AK5: variants seen among roughly 807,000 people sequenced by gnomAD.
AK5 encodes adenylate kinase isoenzyme 5.
AK5 carries 27 observed loss-of-function variants against 69.5 expected under a neutral mutation model. The ratio of observed to expected loss-of-function variants is 0.39; its 90% confidence interval spans 0.29 to 0.54. The LOEUF is 0.54. Among genes scored for constraint, AK5 ranks in the 20% least tolerant of loss-of-function variants. The pLI, the probability that AK5 is intolerant of heterozygous loss-of-function variation, is 0.71. For synonymous variants in AK5, 260 were observed against 244.4 expected (o/e 1.06, Z -0.60); for missense variants, 531 against 700.4 (o/e 0.76, Z 2.73).
intron 6 of AK5, among the ~76,000 whole-genome samples, chr1:77,396,688 T>C (rs567174219): frequency 7.2e-5 from 11 of 152,290 alleles, no homozygotes; most frequent in African/African-American, 2.4e-4. Context: ...ACTAGGAACA[T>C]AGGATTTGTT....
At chr1:77,408,957 T>C (rs113610544) in intron 6 of AK5, among the ~76,000 whole-genome samples, 77 of 152,180 alleles carry the variant, frequency 5.1e-4, no homozygotes, top group Non-Finnish European at 2.5e-4. Context: ...TGTTTCCTTC[T>C]TTGTGTTCAT....
intron 12 of AK5, among the ~76,000 whole-genome samples, chr1:77,534,441 T>C (rs1658842476): frequency 6.6e-6 from 1 of 152,238 alleles, no homozygotes; most frequent in South Asian, 2.1e-4. Flanking sequence ...AGAGAATTCT[T>C]AATCCCTGCA....
At chr1:77,506,911 A>G (rs1657062838) in intron 10 of AK5, among the ~76,000 whole-genome samples, 1 of 152,130 alleles carries the variant, frequency 6.6e-6, no homozygotes, top group African/African-American at 2.4e-5. Flanking sequence ...AGTCAGGAGA[A>G]TCGCTTGAAG....
Position 77,417,719 on chromosome 1 carries a change from A to G in AK5, c.1059+4A>G, listed in dbSNP as rs1190045871. ...AGGATCTGATTATGAAGATCAGGTA[A>G]TTAAAATCTGAAAATAGTTCTCTAT... On this transcript the variant is annotated splice_donor_region_variant and intron_variant, in intron 8 of 13. Transcript: ENST00000354567. 6.4e-6 allele frequency: 10 copies of G among 1,562,894 alleles called. No homozygotes were observed. The highest frequency in any genetic ancestry group is 4.5e-5 in the East Asian group (2 of 44,458).
intron 2 of AK5, among the ~76,000 whole-genome samples, chr1:77,288,247 A>T (rs141111070): frequency 1.1e-3 from 165 of 152,324 alleles, no homozygotes; most frequent in African/African-American, 3.8e-3. Flanking sequence ...GGGGTTCAAC[A>T]TGAGCCAACC....
At chr1:77,519,699 C>A (rs1657873743) in intron 11 of AK5, among the ~76,000 whole-genome samples, 1 of 152,158 alleles carries the variant, frequency 6.6e-6, no homozygotes, top group South Asian at 2.1e-4. Context: ...CCCTTTTTTA[C>A]CATATAGGGT....
intron 8 of AK5, among the ~76,000 whole-genome samples, chr1:77,482,838 C>A (rs1432313363): frequency 6.6e-6 from 1 of 151,290 alleles, no homozygotes; most frequent in African/African-American, 2.4e-5. Context: ...TAGTTACTAT[C>A]TGGCCCTTTA....
rs140502461 is a variant in AK5 at position 77,283,098 on chromosome 1, C to T, written c.60+725C>T. ...GACTCCTGTTGCTCAGTCTTCAGAC[C>T]GCAGCACAGCATCATCTGCACCGGG... On this transcript the variant is annotated intron_variant, in intron 1 of 13. Coordinates refer to ENST00000354567, the MANE Select transcript of AK5 (RefSeq NM_174858.3). 3.1e-5 allele frequency: 31 copies of T among 985,760 alleles called. No individual in the cohort carries two copies. In the African/African-American group the frequency reaches 5.1e-4, roughly 16 times the overall value. The allele number at this position is 985,760 out of a possible 1,614,324, so 61.1% of individuals were successfully genotyped here.
At chr1:77,523,412 A>T (rs1174497299) in intron 12 of AK5, among the ~76,000 whole-genome samples, 1 of 152,150 alleles carries the variant, frequency 6.6e-6, no homozygotes. Context: ...AGTTCTAATG[A>T]GCTTTTTCCC....
chr1:77,283,678 G>C (rs7517698), intron 1 of AK5: 286,643 of 925,736 alleles, frequency 0.31, 45,194 homozygotes, highest in Admixed American at 0.34. Context: ...TTACTCCTGC[G>C]TGAAAATAAT....
chr1:77,418,970 T>C (rs1304313120), intron 8 of AK5, among the ~76,000 whole-genome samples: 1 of 152,190 alleles, frequency 6.6e-6, no homozygotes, highest in East Asian at 1.9e-4. Flanking sequence ...ATGCAAAACG[T>C]TGTGCCGAGT....
intron 8 of AK5, among the ~76,000 whole-genome samples, chr1:77,467,308 G>A (rs2100687987): frequency 6.6e-6 from 1 of 152,216 alleles, no homozygotes; most frequent in Admixed American, 6.5e-5. Context: ...TCTCCTTCAT[G>A]GGTTTCTGTG....
chr1:77,308,397 C>T (rs1659758818), intron 5 of AK5, among the ~76,000 whole-genome samples: 1 of 149,316 alleles, frequency 6.7e-6, no homozygotes, highest in East Asian at 2.0e-4. Context: ...TGAGATAGCG[C>T]CACGGCACTC....
chr1:77,324,752 GC>G (rs1375949459), intron 5 of AK5, among the ~76,000 whole-genome samples: 3 of 151,846 alleles, frequency 2.0e-5, no homozygotes, highest in Non-Finnish European at 4.4e-5. Flanking sequence ...AGTTAAAGGG[GC>G]ATGAGGCGAG....
At chr1:77,530,600 T>G (rs547106152) in intron 12 of AK5, among the ~76,000 whole-genome samples, 1 of 152,340 alleles carries the variant, frequency 6.6e-6, no homozygotes, top group African/African-American at 2.4e-5. Context: ...AAAGCCCACC[T>G]TAAATAACAT....
chr1:77,486,977 C>T (rs544336093), intron 10 of AK5, among the ~76,000 whole-genome samples: 1 of 152,188 alleles, frequency 6.6e-6, no homozygotes, highest in African/African-American at 2.4e-5. Flanking sequence ...TAAACACTGA[C>T]CCCCTCCTTC....
At chr1:77,391,432 C>CAT (rs1182177628) in intron 6 of AK5, among the ~76,000 whole-genome samples, 16 of 95,588 alleles carry the variant, frequency 1.7e-4, no homozygotes, top group East Asian at 2.9e-4. Context: ...TATATATATA[C>CAT]ATATATACAT....
intron 10 of AK5, among the ~76,000 whole-genome samples, chr1:77,487,631 A>G (rs1265401152): frequency 1.3e-5 from 2 of 152,250 alleles, no homozygotes; most frequent in Non-Finnish European, 2.9e-5. Context: ...ATCTCTGGGT[A>G]AAGTTCTCTC....
chr1:77,304,835 T>C (rs1659549507), intron 5 of AK5, among the ~76,000 whole-genome samples: 2 of 152,238 alleles, frequency 1.3e-5, no homozygotes, highest in Non-Finnish European at 2.9e-5. Flanking sequence ...CTGATTTCCT[T>C]TCTTTTGGCT....
Sources: gnomAD v4.1 joint callset for allele counts (sites outside exome capture counted in the v4.1 genomes callset) on GRCh38, gnomAD v4.1.1 for gene constraint, MANE v1.5 for transcripts, NCBI Gene and HGNC (gene_info 2026-07-23, HGNC 2026-07-21) for gene names.